SH3RF3: variants seen among roughly 807,000 people sequenced by gnomAD.
The protein encoded by SH3RF3 is E3 ubiquitin-protein ligase SH3RF3.
SH3RF3 carries 29 observed loss-of-function variants against 66.3 expected under a neutral mutation model. The observed-to-expected ratio is 0.44, with a 90% confidence interval of 0.33 to 0.60. The LOEUF (loss-of-function observed/expected upper bound fraction) is 0.60, where lower values mean the gene tolerates loss of function less well. Among genes scored for constraint, SH3RF3 ranks in the 20% least tolerant of loss-of-function variants. SH3RF3 has a pLI of 0.04. For missense variants in SH3RF3, 1,194 were observed against 1,190.9 expected, an observed-to-expected ratio of 1.00 and a Z score of -0.04; for synonymous variants, 583 against 532.0, an observed-to-expected ratio of 1.10 and a Z score of -1.32.
chr2:109,355,871 C>T (rs528039323), intron 2 of SH3RF3, among the ~76,000 whole-genome samples: 16 of 152,314 alleles, frequency 1.1e-4, no homozygotes, highest in African/African-American at 3.8e-4. Flanking sequence ...CCTTCCTTGT[C>T]CTTCTGAAAG....
intron 1 of SH3RF3, among the ~76,000 whole-genome samples, chr2:109,258,176 G>A (rs1415558919): frequency 1.3e-5 from 2 of 152,166 alleles, no homozygotes; most frequent in Non-Finnish European, 2.9e-5. Context: ...CGAGGCTTAC[G>A]AAAGAGTAAA....
rs548403788 is a variant in SH3RF3, at chr2:109,393,590, C to G, written c.946-5000C>G. On this transcript the variant is annotated intron_variant, in intron 3 of 9. Coordinates refer to ENST00000309415, the MANE Select transcript of SH3RF3 (RefSeq NM_001099289.3). ...CATGAAAAGAGTCATGTGTTGCCTT[C>G]TTGTTAAACTGTGAGCACTTGCCCT... Among the ~76,000 whole-genome samples, 44 of 152,206 alleles carry G rather than the reference C, an allele frequency of 2.9e-4. 1 individual carries two copies. Among genetic ancestry groups the G allele is most frequent in the South Asian group, 1.5e-3 (7 of 4,816 alleles).
intron 1 of SH3RF3, among the ~76,000 whole-genome samples, chr2:109,321,618 A>G (rs534429964): frequency 3.3e-5 from 5 of 152,378 alleles, no homozygotes; most frequent in South Asian, 2.1e-4. Flanking sequence ...TGCAAAGCCA[A>G]TTTAGGAACC....
intron 1 of SH3RF3, among the ~76,000 whole-genome samples, chr2:109,314,480 G>A (rs963608507): frequency 6.6e-6 from 1 of 152,124 alleles, no homozygotes; most frequent in African/African-American, 2.4e-5. Context: ...AGCCTGAAAC[G>A]GCATGACCTT....
chr2:109,188,884 C>A (rs1678266130), intron 1 of SH3RF3, among the ~76,000 whole-genome samples: 2 of 152,010 alleles, frequency 1.3e-5, no homozygotes, highest in African/African-American at 4.8e-5. Flanking sequence ...TTTGCCGGGG[C>A]ATTGTGTAGC....
chr2:109,469,951 C>T (rs375990647), intron 8 of SH3RF3, among the ~76,000 whole-genome samples: 1 of 152,136 alleles, frequency 6.6e-6, no homozygotes, highest in Non-Finnish European at 1.5e-5. Flanking sequence ...CCAGGACATG[C>T]GAGCTATAAG....
chr2:109,482,982 A>G (rs1402832786), intron 8 of SH3RF3, among the ~76,000 whole-genome samples: 1 of 152,234 alleles, frequency 6.6e-6, no homozygotes, highest in African/African-American at 2.4e-5. Context: ...TAGCTGGTGC[A>G]CAATTTTTCT....
intron 1 of SH3RF3, among the ~76,000 whole-genome samples, chr2:109,219,445 T>G (rs1422683010): frequency 6.6e-6 from 1 of 152,066 alleles, no homozygotes; most frequent in Admixed American, 6.6e-5. Flanking sequence ...AATTGGAAGC[T>G]CTAGACAGAG....
At chr2:109,421,106 G>T (rs1029206219) in intron 5 of SH3RF3, among the ~76,000 whole-genome samples, 1 of 152,208 alleles carries the variant, frequency 6.6e-6, no homozygotes, top group Non-Finnish European at 1.5e-5. Flanking sequence ...TGCCAAGGAG[G>T]CACATGGAAA....
intron 2 of SH3RF3, among the ~76,000 whole-genome samples, chr2:109,365,298 A>C (rs923717478): frequency 3.3e-5 from 5 of 152,194 alleles, no homozygotes; most frequent in African/African-American, 1.2e-4. Flanking sequence ...GGGCCCCTGC[A>C]GTTCTTACCT....
At position 109,315,641 on chromosome 2, in the gene SH3RF3, G is replaced by A. The variant is rs190899876; in HGVS notation, c.574-32033G>A. Among the ~76,000 whole-genome samples, 29 of 152,358 alleles carry A rather than the reference G, an allele frequency of 1.9e-4. No homozygotes were observed. In the East Asian group the frequency reaches 4.8e-3, roughly 25 times the overall value. On this transcript the variant is annotated intron_variant, in intron 1 of 9. Transcript: ENST00000309415. ...GGACGTGTGTGTCCAGAGAAGAGAC[G>A]CCTGTGCAGGCTTTCCTGGCAGTCT...
At chr2:109,279,169 G>C (rs753879335) in intron 1 of SH3RF3, among the ~76,000 whole-genome samples, 4 of 152,140 alleles carry the variant, frequency 2.6e-5, no homozygotes, top group Non-Finnish European at 5.9e-5. Context: ...GCTGTGGTCC[G>C]GATTCCATGC....
intron 4 of SH3RF3, among the ~76,000 whole-genome samples, chr2:109,400,876 A>G (rs150908338): frequency 6.6e-6 from 1 of 152,188 alleles, no homozygotes; most frequent in African/African-American, 2.4e-5. Flanking sequence ...GAGAACAGCC[A>G]TTGGGGCTGC....
chr2:109,457,835 A>G (rs1678104274), intron 8 of SH3RF3, among the ~76,000 whole-genome samples: 1 of 152,202 alleles, frequency 6.6e-6, no homozygotes, highest in African/African-American at 2.4e-5. Context: ...AAACTACATC[A>G]GAAGGTAATG....
intron 2 of SH3RF3, among the ~76,000 whole-genome samples, chr2:109,356,388 CCT>C (rs1360421652): frequency 6.6e-6 from 1 of 152,220 alleles, no homozygotes; most frequent in African/African-American, 2.4e-5. Flanking sequence ...GTTGGACTTG[CCT>C]CTCTAGCCAG....
chr2:109,173,811 G>A (rs1237505968), intron 1 of SH3RF3, among the ~76,000 whole-genome samples: 1 of 152,238 alleles, frequency 6.6e-6, no homozygotes, highest in African/African-American at 2.4e-5. Context: ...AAAGGCATGC[G>A]ATGGGGCTGG....
At chr2:109,431,473 T>G (rs923623420) in intron 5 of SH3RF3, among the ~76,000 whole-genome samples, 1 of 152,170 alleles carries the variant, frequency 6.6e-6, no homozygotes, top group African/African-American at 2.4e-5. Flanking sequence ...GGAAAAGATA[T>G]AGGTATAGTT....
intron 7 of SH3RF3, among the ~76,000 whole-genome samples, chr2:109,439,069 G>T (rs1016491619): frequency 2.6e-5 from 4 of 152,090 alleles, no homozygotes; most frequent in Admixed American, 6.5e-5. Flanking sequence ...TGCTAGAAAC[G>T]TTCCCAATTC....
chr2:109,380,166 G>A (rs1328661665), intron 3 of SH3RF3, among the ~76,000 whole-genome samples: 1 of 152,166 alleles, frequency 6.6e-6, no homozygotes, highest in Non-Finnish European at 1.5e-5. Flanking sequence ...GGGTTTGTTT[G>A]TCTCCAGCAA....
Sources: gnomAD v4.1 joint callset for allele counts (sites outside exome capture counted in the v4.1 genomes callset) on GRCh38, gnomAD v4.1.1 for gene constraint, MANE v1.5 for transcripts, NCBI Gene and HGNC (gene_info 2026-07-23, HGNC 2026-07-21) for gene names.